Variants in PLA2G5 observed in about 807,000 individuals in gnomAD.
PLA2G5 encodes Ca2+-dependent phospholipase A2.
A neutral mutation model predicts 15.9 loss-of-function variants in PLA2G5; 12 were observed. That is an observed-to-expected ratio of 0.76 (90% CI 0.48 to 1.23). PLA2G5 has a LOEUF of 1.23. Ranked by LOEUF, PLA2G5 falls within the 50% of genes most tolerant of loss-of-function variation. The probability of loss-of-function intolerance (pLI) is 0.00; values close to 1 mark genes in which losing one functional copy is unlikely to be tolerated. For synonymous variants in PLA2G5, 71 were observed against 71.4 expected, an observed-to-expected ratio of 0.99 and a Z score of 0.03; for missense variants, 169 against 177.1, an observed-to-expected ratio of 0.95 and a Z score of 0.26.
intron 1 of PLA2G5, among the ~76,000 whole-genome samples, chr1:20,080,916 G>A (rs2015979439): frequency 1.3e-5 from 2 of 151,882 alleles, no homozygotes; most frequent in African/African-American, 2.4e-5. Flanking sequence ...AGCAGGGCCC[G>A]AAGAGGAGTG....
Position 20,086,217 on chromosome 1 carries a change from G to A in PLA2G5, c.175G>A (p.Gly59Ser), listed in dbSNP as rs1405444344. ...GWGGRGTPKD[G>S]TDWCCWAHDH... ...GGGCGGCCGAGGAACCCCCAAGGAT[G>A]GCACCGATTGGTGAGCTGATCGCTA... Residue 59 changes from glycine (G) to serine (S), a missense_variant, in exon 3 of 5, where the codon GGC (glycine) becomes AGC (serine). Gly to Ser is a moderately conservative substitution (Grantham distance 56). Transcript: ENST00000375108. 5.6e-6 allele frequency: 9 copies of A among 1,614,154 alleles called. No homozygotes were observed. Among genetic ancestry groups the A allele is most frequent in the Non-Finnish European group, 7.6e-6 (9 of 1,180,008 alleles).
At chr1:20,067,762 T>A (rs2015117614), upstream of PLA2G5, among the ~76,000 whole-genome samples, 3 of 151,342 alleles carry the variant, frequency 2.0e-5, no homozygotes, top group Admixed American at 6.6e-5. Context: ...CAAAGCAACA[T>A]AAGGGAAGCC....
chr1:20,049,511 A>C (rs2014078079), intron 1 of PLA2G5, among the ~76,000 whole-genome samples: 1 of 152,176 alleles, frequency 6.6e-6, no homozygotes, highest in Non-Finnish European at 1.5e-5. Context: ...TGATCCCCAC[A>C]TATCATGGGA....
intron 1 of PLA2G5, among the ~76,000 whole-genome samples, chr1:20,079,910 T>C (rs1436542587): frequency 6.6e-6 from 1 of 152,192 alleles, no homozygotes; most frequent in East Asian, 1.9e-4. Flanking sequence ...GGCTACCACC[T>C]GGACGTGGCA....
chr1:20,065,130 T>C (rs988906660), intron 2 of PLA2G5, among the ~76,000 whole-genome samples: 8 of 152,238 alleles, frequency 5.3e-5, no homozygotes, highest in African/African-American at 1.7e-4. Context: ...ATGGTTCTTT[T>C]TAGAACAGCT....
chr1:20,036,104 T>A (rs2013238200), intron 1 of PLA2G5, among the ~76,000 whole-genome samples: 1 of 152,214 alleles, frequency 6.6e-6, no homozygotes, highest in African/African-American at 2.4e-5. Context: ...TGCTGAGAAA[T>A]CTGCTGTTAA....
chr1:20,053,570 C>CGGG lies in PLA2G5; in HGVS notation n.277-6053_277-6051dup, dbSNP rs60259205. On this transcript the variant is annotated intron_variant and non_coding_transcript_variant, in intron 1 of 6. Transcript: ENST00000460175. Reference sequence around the variant, plus strand: ...TTGATTTTAATTATGTATTACTTTGCGGGGGGGGGGGTGATATGCAAAACT... The same window carrying CGGG: ...TTGATTTTAATTATGTATTACTTTGCGGGGGGGGGGGGGGTGATATGCAAAACT... Among the ~76,000 whole-genome samples the CGGG allele has an allele frequency of 7.8e-3, 764 of 97,814 alleles. 6 individuals carry two copies. The highest frequency in any genetic ancestry group is 9.6e-3 in the Non-Finnish European group (499 of 51,936). 64.2% of individuals were successfully genotyped at this position (97,814 alleles called of 152,430 possible).
chr1:20,037,550 A>C (rs916431432), intron 1 of PLA2G5, among the ~76,000 whole-genome samples: 1 of 152,182 alleles, frequency 6.6e-6, no homozygotes, highest in Non-Finnish European at 1.5e-5. Context: ...CTAGCAGTGA[A>C]ATTGTCACAT....
intron 1 of PLA2G5, among the ~76,000 whole-genome samples, chr1:20,036,588 G>A (rs74388677): frequency 0.01 from 1,543 of 152,142 alleles, 28 homozygotes; most frequent in African/African-American, 0.035. Flanking sequence ...ATTTCCTGAA[G>A]TTGCAATTGT....
At chr1:20,062,374 T>G (rs2100477416) in intron 2 of PLA2G5, among the ~76,000 whole-genome samples, 1 of 152,250 alleles carries the variant, frequency 6.6e-6, no homozygotes, top group South Asian at 2.1e-4. Flanking sequence ...TGCAAGAAAC[T>G]TCAGTTTAAA....
upstream of PLA2G5, among the ~76,000 whole-genome samples, chr1:20,065,730 G>T (rs924974422): frequency 5.9e-5 from 9 of 152,208 alleles, no homozygotes; most frequent in African/African-American, 2.2e-4. Flanking sequence ...GAATAAGGCT[G>T]CTGTAAACAT....
chr1:20,090,906 AGGCCT>A lies in PLA2G5; in HGVS notation c.*215_*219del. On this transcript the variant is annotated 3_prime_UTR_variant, in exon 5 of 5. Coordinates refer to ENST00000375108, the MANE Select transcript of PLA2G5 (RefSeq NM_000929.3). ...GACTTGGTAGGGTCCCAGGGTCCCT[AGGCCT>A]CCACTTCTGAGGGCAGCCCCTCTGG... 1 of 509,932 alleles carries A rather than the reference AGGCCT, an allele frequency of 2.0e-6. No individual in the cohort carries two copies. Among genetic ancestry groups the A allele is most frequent in the Non-Finnish European group, 3.5e-6 (1 of 286,104 alleles). The allele number at this position is 509,932 out of a possible 1,614,324, so 31.6% of individuals were successfully genotyped here.
chr1:20,085,583 G>A (rs566853026), intron 2 of PLA2G5, among the ~76,000 whole-genome samples: 1 of 152,328 alleles, frequency 6.6e-6, no homozygotes, highest in African/African-American at 2.4e-5. Context: ...TGTTCTAAAG[G>A]GTGTGAGGGG....
intron 1 of PLA2G5, among the ~76,000 whole-genome samples, chr1:20,049,486 C>T (rs2014077124): frequency 6.6e-6 from 1 of 152,052 alleles, no homozygotes; most frequent in Non-Finnish European, 1.5e-5. Flanking sequence ...ACCCAAATCT[C>T]ACCTTGAATT....
intron 1 of PLA2G5, among the ~76,000 whole-genome samples, chr1:20,080,701 G>A (rs1044507171): frequency 2.6e-5 from 4 of 150,982 alleles, no homozygotes; most frequent in African/African-American, 9.9e-5. Context: ...CTTGGAGCTG[G>A]CCCATGCAGG....
chr1:20,083,028 T>G (rs1039299113), intron 1 of PLA2G5, among the ~76,000 whole-genome samples: 2 of 151,864 alleles, frequency 1.3e-5, no homozygotes, highest in Non-Finnish European at 2.9e-5. Context: ...TTTAGAGAGA[T>G]AGAGGATAGT....
At chr1:20,043,761 G>A (rs1569657398) in intron 1 of PLA2G5, among the ~76,000 whole-genome samples, 3 of 152,264 alleles carry the variant, frequency 2.0e-5, no homozygotes. Flanking sequence ...TTTGAAGCTT[G>A]GCCGTCAATA....
At chr1:20,066,370 T>C (rs2015029002), upstream of PLA2G5, among the ~76,000 whole-genome samples, 1 of 152,230 alleles carries the variant, frequency 6.6e-6, no homozygotes, top group African/African-American at 2.4e-5. Context: ...TCTGTGACTT[T>C]TGTATTGTTC....
intron 1 of PLA2G5, among the ~76,000 whole-genome samples, chr1:20,071,559 G>A (rs570083506): frequency 1.3e-5 from 2 of 152,270 alleles, no homozygotes; most frequent in East Asian, 1.9e-4. Context: ...GAGAGCACAC[G>A]GTACTGGGAG....
Sources: gnomAD v4.1 joint callset for allele counts (sites outside exome capture counted in the v4.1 genomes callset) on GRCh38, gnomAD v4.1.1 for gene constraint, MANE v1.5 for transcripts, NCBI Gene and HGNC (gene_info 2026-07-23, HGNC 2026-07-21) for gene names.